Variants in ABCF1 observed in about 807,000 individuals in gnomAD.
The protein encoded by ABCF1 is ATP binding cassette subfamily F member 1.
ABCF1 carries 73 observed loss-of-function variants against 126.3 expected under a neutral mutation model. The ratio of observed to expected loss-of-function variants is 0.58; its 90% CI spans 0.48 to 0.70. ABCF1 has a LOEUF of 0.70. Among genes scored for constraint, ABCF1 ranks in the 30% least tolerant of loss-of-function variants. ABCF1 has a pLI of 0.00. For missense variants in ABCF1, 786 were observed against 1,057.5 expected (o/e 0.74, Z 3.56); for synonymous variants, 345 against 396.4 (o/e 0.87, Z 1.54).
chr6:30,571,672 A>T, intron 1 of ABCF1, 112 bp downstream of exon 1: 2 of 1,186,478 alleles, frequency 1.7e-6, no homozygotes, highest in Non-Finnish European at 2.4e-6. Context: ...TGCGGGAGTT[A>T]CTGCGCATGC....
At chr6:30,589,094 G>A (rs1172787554) in intron 20 of ABCF1, among the ~76,000 whole-genome samples, 1 of 152,050 alleles carries the variant, frequency 6.6e-6, no homozygotes, top group African/African-American at 2.4e-5. Flanking sequence ...CACCTCCTGG[G>A]TTAAAACCAT....
chr6:30,578,460 C>G lies in ABCF1; in HGVS notation c.382-10C>G, dbSNP rs1157713615. On this transcript the variant is annotated splice_polypyrimidine_tract_variant and intron_variant, in intron 5 of 24. Coordinates refer to ENST00000326195, the MANE Select transcript of ABCF1 (RefSeq NM_001025091.2). ...ATCCTACTGACTTCTGTGGCCCTTT[C>G]ATTCTCTAGGGTGGTAATGTTTTTG... is the stretch of plus-strand genomic sequence containing the variant. 6.2e-7 allele frequency: 1 copy of G among 1,613,898 alleles called. No homozygotes were observed. The highest frequency in any genetic ancestry group is 8.5e-7 in the Non-Finnish European group (1 of 1,179,966).
At position 30,578,110 on chromosome 6, in the gene ABCF1, G is replaced by A. The variant is rs778133014; in HGVS notation, c.251G>A (p.Arg84Gln). 1.8e-4 allele frequency: 294 copies of A among 1,613,932 alleles called. No homozygotes were observed. Among genetic ancestry groups the A allele is most frequent in the Non-Finnish European group, 2.2e-4 (257 of 1,180,012 alleles). ...KKKRDTRKGRRKKDVDDDGEE... is the reference protein window; with the variant it reads ...KKKRDTRKGRQKKDVDDDGEE... ...AAGCGAGATACCCGAAAAGGCAGGC[G>A]GAAGAAGGATGTGGATGATGATGGA... Residue 84 changes from arginine to glutamine, a missense_variant, in exon 4 of 25, where the codon CGG becomes CAG. Physicochemically the swap from Arg to Gln is conservative, Grantham distance 43. Transcript: ENST00000326195.
In ABCF1 at chr6:30,573,302, G is replaced by A. The variant is rs150402685; in HGVS notation, c.73+1742G>A. On this transcript the variant is annotated intron_variant, in intron 1 of 24. Transcript: ENST00000326195. ...ACTAGTAGACTATTAACTGAAAGCA[G>A]TAATGGACAGGAGAGTAAGAAGTGG... 9.4e-3 allele frequency among the ~76,000 whole-genome samples: 1,428 copies of A among 152,346 alleles called. 7 individuals are homozygous for A. Among genetic ancestry groups the A allele is most frequent in the Middle Eastern group, 0.034 (10 of 294 alleles).
chr6:30,584,442 G>A lies in ABCF1; in HGVS notation c.1267G>A (p.Gly423Arg). 6.2e-7 allele frequency: 1 copy of A among 1,613,122 alleles called. No homozygotes were observed. Among genetic ancestry groups the A allele is most frequent in the Non-Finnish European group, 8.5e-7 (1 of 1,180,034 alleles). The stretch of plus-strand genomic sequence containing the variant: ...GGTGTATGAGGAATTGCGGGCCACT[G>A]GGGCGGCAGCTGCAGAGGCCAAAGC... ...EKVYEELRATGAAAAEAKARR... is the reference protein window; with the variant it reads ...EKVYEELRATRAAAAEAKARR... Residue 423 changes from glycine to arginine, a missense_variant, in exon 14 of 25, where the codon GGG becomes AGG. By Grantham distance (125) the Gly-to-Arg change is moderately radical. This residue lies in a region of ABCF1 where 163 missense variants were observed against 255.3 expected (regional missense o/e 0.64). Transcript: ENST00000326195. The surrounding 1 kb of genome is among the most constrained non-coding windows in gnomAD (Gnocchi z 4.6).
Position 30,586,062 on chromosome 6 carries a change from T to C in ABCF1, c.1713+71T>C. 1 of 1,591,850 alleles carries C rather than the reference T, an allele frequency of 6.3e-7. No homozygotes were observed. The highest frequency in any genetic ancestry group is 8.5e-7 in the Non-Finnish European group (1 of 1,169,992). On this transcript the variant is annotated intron_variant, in intron 17 of 24. Coordinates refer to ENST00000326195, the MANE Select transcript of ABCF1 (RefSeq NM_001025091.2). The surrounding 1 kb of genome is among the most constrained non-coding windows in gnomAD (Gnocchi z 4.9). ...TGGCAGTGGAGGAAGAAGGAGACTC[T>C]GGAACGCTGGCCTACATTTCAAGGA...
intron 8 of ABCF1, 103 bp from the exon 9 acceptor site, chr6:30,582,291 T>C: frequency 1.5e-6 from 1 of 673,650 alleles, no homozygotes; most frequent in East Asian, 2.7e-5. Flanking sequence ...CTCCTGACCT[T>C]GGGATCTGCC....
At chr6:30,578,632 T>TG in intron 6 of ABCF1, 55 bp downstream of exon 6, 3 of 1,468,244 alleles carry the variant, frequency 2.0e-6, no homozygotes, top group Non-Finnish European at 2.8e-6. Context: ...CTTCTGGCCA[T>TG]GGTGGAGTAA....
intron 1 of ABCF1, among the ~76,000 whole-genome samples, chr6:30,571,946 C>T (rs559932145): frequency 1.3e-5 from 2 of 152,236 alleles, no homozygotes; most frequent in East Asian, 1.9e-4. Flanking sequence ...CATACACACA[C>T]CTTGGGAGCC....
chr6:30,575,502 G>A lies in ABCF1; in HGVS notation c.74-1907G>A, dbSNP rs181639773. 2.6e-3 allele frequency among the ~76,000 whole-genome samples: 392 copies of A among 152,162 alleles called. 8 individuals are homozygous for A. The highest frequency in any genetic ancestry group is 0.01 in the Admixed American group (159 of 15,272). Reference sequence around the variant, plus strand: ...AAGGGAAATCATGAGGCTGCCTCCAGTAGGGGAGGGAGTTGGACATGGTCC... The same window carrying A: ...AAGGGAAATCATGAGGCTGCCTCCAATAGGGGAGGGAGTTGGACATGGTCC... On this transcript the variant is annotated intron_variant, in intron 1 of 24. Transcript: ENST00000326195.
At chr6:30,589,471 C>G in intron 20 of ABCF1, 1 of 594,852 alleles carries the variant, frequency 1.7e-6, no homozygotes, top group South Asian at 2.1e-5. Context: ...GGTGTGGTGG[C>G]AGGCACCTGT....
In ABCF1 at chr6:30,584,883, CA is replaced by C. The variant is rs1203564923; in HGVS notation, c.1391+318del. Among the ~76,000 whole-genome samples the C allele has an allele frequency of 6.6e-6, 1 of 152,022 alleles. No homozygotes were observed. The highest frequency in any genetic ancestry group is 1.5e-5 in the Non-Finnish European group (1 of 68,002). On this transcript the variant is annotated intron_variant, in intron 14 of 24. Transcript: ENST00000326195. This position sits in a 1 kb window ranked among gnomAD's most constrained non-coding sequence, Gnocchi z 4.6. Reference sequence around the variant, plus strand: ...GGGCAATATAGTGAGACTCTATCTTCACAAAAGGGGGAAGAAAACATATCCT... The same window carrying C: ...GGGCAATATAGTGAGACTCTATCTTCCAAAAGGGGGAAGAAAACATATCCT...
At position 30,584,698 on chromosome 6, in the gene ABCF1, G is replaced by A. The variant is rs1802018727; in HGVS notation, c.1391+132G>A. ...CCTCTCCCTCCTTACTATCTGTGTT[G>A]TGAGAACTTAGGGTCTTTCTCTATT... On this transcript the variant is annotated intron_variant, in intron 14 of 24. Coordinates refer to ENST00000326195, the MANE Select transcript of ABCF1 (RefSeq NM_001025091.2). The surrounding 1 kb of genome is among the most constrained non-coding windows in gnomAD (Gnocchi z 4.6). 1.6e-6 allele frequency: 2 copies of A among 1,268,538 alleles called. No individual in the cohort carries two copies. Among genetic ancestry groups the A allele is most frequent in the Non-Finnish European group, 2.1e-6 (2 of 936,106 alleles). 78.6% of individuals were successfully genotyped at this position (1,268,538 alleles called of 1,614,324 possible).
chr6:30,571,629 G>A (rs1367771690), intron 1 of ABCF1, 69 bp downstream of exon 1: 2 of 1,523,614 alleles, frequency 1.3e-6, no homozygotes, highest in East Asian at 4.7e-5. Context: ...TGTTTTAAGA[G>A]AGGGTCATGG....
At chr6:30,571,615 C>T in intron 1 of ABCF1, 55 bp downstream of exon 1, 3 of 1,559,882 alleles carry the variant, frequency 1.9e-6, no homozygotes, top group South Asian at 1.2e-5. Context: ...GAGGAGACTG[C>T]GCGTGTTTTA....
Position 30,577,455 on chromosome 6 carries a change from G to C in ABCF1, c.120G>C (p.Thr40=). 1 of 1,613,524 alleles carries C rather than the reference G, an allele frequency of 6.2e-7. No homozygotes were observed. The highest frequency in any genetic ancestry group is 8.5e-7 in the Non-Finnish European group (1 of 1,179,726). The change falls in exon 2 of 25, where the codon ACG becomes ACC. Residue 40 remains threonine, a splice_region_variant and synonymous_variant. Coordinates refer to ENST00000326195, the MANE Select transcript of ABCF1 (RefSeq NM_001025091.2). ...KGKKDKKIKK[T]FFEELAVEDK... ...AGAAGGACAAGAAGATCAAAAAAACGGTGAGAAAATGAGGGTTGAGGATAA... is the reference window on the plus strand; with the variant it reads ...AGAAGGACAAGAAGATCAAAAAAACCGTGAGAAAATGAGGGTTGAGGATAA...
chr6:30,586,331 C>T lies in ABCF1; in HGVS notation c.1885+26C>T. On this transcript the variant is annotated intron_variant, in intron 18 of 24. Coordinates refer to ENST00000326195, the MANE Select transcript of ABCF1 (RefSeq NM_001025091.2). This position sits in a 1 kb window ranked among gnomAD's most constrained non-coding sequence, Gnocchi z 4.9. ...GTGAGTGCCGCGGGCCTCTGCTGCT[C>T]CACAGGAAGCACCGGAAGCATGTAT... 1 of 1,600,466 alleles carries T rather than the reference C, an allele frequency of 6.2e-7. No homozygotes were observed. The highest frequency in any genetic ancestry group is 8.5e-7 in the Non-Finnish European group (1 of 1,172,758).
Position 30,579,872 on chromosome 6 carries a change from A to G in ABCF1, c.490-59A>G, listed in dbSNP as rs1448233497. ...GACTCTCTAGAAATGCTTATTACAC[A>G]GCAAAGTAGCACAATAATTTGTATG... is the stretch of plus-strand genomic sequence containing the variant. On this transcript the variant is annotated intron_variant, in intron 6 of 24. Transcript: ENST00000326195. 18 of 1,558,436 alleles carry G rather than the reference A, an allele frequency of 1.2e-5. No individual in the cohort carries two copies. The Admixed American group carries it at 2.8e-4, about 24-fold the overall frequency.
At position 30,590,687 on chromosome 6, in the gene ABCF1, C is replaced by T. The variant is rs372596199; in HGVS notation, c.2524C>T (p.Arg842Trp). 12 of 1,551,966 alleles carry T rather than the reference C, an allele frequency of 7.7e-6. No homozygotes were observed. In the African/African-American group the frequency reaches 1.1e-4, roughly 14 times the overall value. The stretch of plus-strand genomic sequence containing the variant: ...GGCCCTGGGTGAAGTCATGGTCAGC[C>T]GGCCCCGAGAGTGAGCTTTCCTTCC... The part of the protein sequence containing the change: ...LEALGEVMVS[R>W]PRE The change falls in exon 25 of 25, where the codon CGG becomes TGG. Residue 842 changes from arginine to tryptophan, a missense_variant. Transcript: ENST00000326195.
Sources: allele counts gnomAD v4.1 joint callset (sites outside exome capture counted in the v4.1 genomes callset), GRCh38; gene constraint gnomAD v4.1.1; regional missense constraint gnomAD v4.1.1; non-coding constraint Gnocchi (gnomAD v3.1); transcripts MANE v1.5; gene names NCBI Gene and HGNC (gene_info 2026-07-23, HGNC 2026-07-21).